The following COL6A6 variants were observed in gnomAD, a reference collection of about 807,000 sequenced individuals.
COL6A6 encodes collagen alpha-6(VI) chain.
Under a neutral mutation model 208.6 loss-of-function variants are expected in COL6A6, and 183 were observed. The observed-to-expected ratio is 0.88, with a 90% CI of 0.78 to 0.99. The LOEUF is 0.99. Ranked by LOEUF, COL6A6 falls within the 50% of genes least tolerant of loss-of-function variation. The pLI, the probability that COL6A6 is intolerant of heterozygous loss-of-function variation, is 0.00. For missense variants in COL6A6, 2,816 were observed against 2,815.2 expected (o/e 1.00, Z -0.01); for synonymous variants, 973 against 1,011.8 (o/e 0.96, Z 0.73).
intron 24 of COL6A6, among the ~76,000 whole-genome samples, chr3:130,625,063 G>A (rs1050511416): frequency 1.3e-5 from 2 of 152,144 alleles, no homozygotes; most frequent in African/African-American, 2.4e-5. Flanking sequence ...TTATGTAAAA[G>A]CACATATTGT....
At position 130,609,928 on chromosome 3, in the gene COL6A6, TG is replaced by T. The variant is rs1206064528; in HGVS notation, c.4753-720del. On this transcript the variant is annotated intron_variant, in intron 22 of 36. Coordinates refer to ENST00000358511, the MANE Select transcript of COL6A6 (RefSeq NM_001102608.3). Reference sequence around the variant, plus strand: ...TAGCTTGATTACTTTTCTTTGTTGTTGCTTTCCAGCTGAGGAAAGCTCACTT... The same window carrying T: ...TAGCTTGATTACTTTTCTTTGTTGTTCTTTCCAGCTGAGGAAAGCTCACTT... 2.0e-5 allele frequency among the ~76,000 whole-genome samples: 3 copies of T among 151,546 alleles called. No homozygotes were observed. In the East Asian group the frequency reaches 5.8e-4, roughly 29 times the overall value.
intron 1 of COL6A6, among the ~76,000 whole-genome samples, chr3:130,553,610 G>C (rs569034037): frequency 6.6e-6 from 1 of 151,042 alleles, no homozygotes; most frequent in Non-Finnish European, 1.5e-5. Flanking sequence ...GAATCTTGAT[G>C]ATCTTCATTC....
At chr3:130,558,164 A>G (rs970760314) in intron 1 of COL6A6, among the ~76,000 whole-genome samples, 1 of 152,212 alleles carries the variant, frequency 6.6e-6, no homozygotes, top group African/African-American at 2.4e-5. Context: ...ATGTTTGTTT[A>G]TAATGTAAGT....
chr3:130,619,683 G>A (rs1044101297), intron 23 of COL6A6, among the ~76,000 whole-genome samples: 2 of 152,146 alleles, frequency 1.3e-5, no homozygotes, highest in Non-Finnish European at 2.9e-5. Flanking sequence ...GGGCCTGAAG[G>A]CAAGTAATGG....
intron 3 of COL6A6, among the ~76,000 whole-genome samples, chr3:130,564,342 G>C (rs1472022157): frequency 6.6e-6 from 1 of 152,196 alleles, no homozygotes; most frequent in Non-Finnish European, 1.5e-5. Context: ...TAACAAGAAT[G>C]GTCAAGAGTT....
At chr3:130,618,571 GTCTT>G (rs929541913) in intron 23 of COL6A6, among the ~76,000 whole-genome samples, 3 of 152,004 alleles carry the variant, frequency 2.0e-5, no homozygotes, top group African/African-American at 4.8e-5. Flanking sequence ...CAATTTTTTT[GTCTT>G]TCTTTTAGAA....
At chr3:130,623,020 T>C (rs1311627894) in intron 24 of COL6A6, among the ~76,000 whole-genome samples, 1 of 152,178 alleles carries the variant, frequency 6.6e-6, no homozygotes, top group East Asian at 1.9e-4. Flanking sequence ...AAAATGATCC[T>C]GTCTGGCAGG....
rs747706950 is a variant in COL6A6 at position 130,627,372 on chromosome 3, A to G, written c.4992+3A>G. ...GTGTCGGACGCAAGGGAGCAAAGGT[A>G]AGTCAAGTCTGCTGGAAGCTGGACG... On this transcript the variant is annotated splice_donor_region_variant and intron_variant, in intron 26 of 36. Transcript: ENST00000358511. The G allele has an allele frequency of 1.2e-5, 20 of 1,613,390 alleles. No homozygotes were observed. Among genetic ancestry groups the G allele is most frequent in the Non-Finnish European group, 1.7e-5 (20 of 1,179,448 alleles).
At chr3:130,669,148 A>G (rs552623455) in intron 36 of COL6A6, among the ~76,000 whole-genome samples, 21 of 152,314 alleles carry the variant, frequency 1.4e-4, no homozygotes, top group African/African-American at 4.8e-4. Flanking sequence ...TAATCCCAGC[A>G]CTCTGGGAGG....
chr3:130,656,610 C>T lies in COL6A6; in HGVS notation c.5734-2066C>T, dbSNP rs563043821. Reference sequence around the variant, plus strand: ...TTTGGTCAGCCCAGCCCCCAGGCTTCGGGCTCCCCCTGGCTTGAAGGTGGG... The same window carrying T: ...TTTGGTCAGCCCAGCCCCCAGGCTTTGGGCTCCCCCTGGCTTGAAGGTGGG... On this transcript the variant is annotated intron_variant, in intron 33 of 36. Transcript: ENST00000358511. Among the ~76,000 whole-genome samples the T allele has an allele frequency of 7.2e-5, 11 of 152,242 alleles. No individual in the cohort carries two copies. In the South Asian group the frequency reaches 1.7e-3, roughly 23 times the overall value.
intron 1 of COL6A6, among the ~76,000 whole-genome samples, chr3:130,535,681 G>A (rs912067265): frequency 2.0e-4 from 31 of 152,070 alleles, no homozygotes; most frequent in African/African-American, 5.6e-4. Context: ...CAGCTGCTGA[G>A]GAGTTTCATG....
chr3:130,619,632 C>A lies in COL6A6; in HGVS notation c.4816-2189C>A, dbSNP rs530825284. Among the ~76,000 whole-genome samples the A allele has an allele frequency of 2.0e-5, 3 of 152,240 alleles. No individual in the cohort carries two copies. In the South Asian group the frequency reaches 6.2e-4, roughly 32 times the overall value. On this transcript the variant is annotated intron_variant, in intron 23 of 36. Transcript: ENST00000358511. The stretch of plus-strand genomic sequence containing the variant: ...GAGAATGGATTAGAGGAAGACCTGG[C>A]TACAGTTAGGAGAGCCAAGAATTTA...
chr3:130,610,570 A>G, intron 22 of COL6A6, 79 bp from the exon 23 acceptor site: 1 of 1,064,532 alleles, frequency 9.4e-7, no homozygotes, highest in Non-Finnish European at 1.4e-6. Flanking sequence ...CTGACTTAGT[A>G]TTTCTACTTG....
chr3:130,627,064 A>G (rs533842897), intron 25 of COL6A6, among the ~76,000 whole-genome samples: 1 of 152,218 alleles, frequency 6.6e-6, no homozygotes, highest in East Asian at 1.9e-4. Flanking sequence ...CCTCATGACA[A>G]CCCATGAGTA....
At chr3:130,614,132 T>C (rs1179419396) in intron 23 of COL6A6, among the ~76,000 whole-genome samples, 1 of 152,204 alleles carries the variant, frequency 6.6e-6, no homozygotes, top group African/African-American at 2.4e-5. Flanking sequence ...CTATTCAGTA[T>C]GATATTAGCT....
At chr3:130,612,335 G>T (rs1038061798) in intron 23 of COL6A6, among the ~76,000 whole-genome samples, 2 of 152,096 alleles carry the variant, frequency 1.3e-5, no homozygotes, top group Non-Finnish European at 2.9e-5. Context: ...TCTGTTTCCA[G>T]TTCTTTGAGG....
At chr3:130,608,411 A>C (rs1318574366) in intron 21 of COL6A6, among the ~76,000 whole-genome samples, 1 of 152,208 alleles carries the variant, frequency 6.6e-6, no homozygotes, top group East Asian at 1.9e-4. Flanking sequence ...AACTTCTTGA[A>C]TTCGTTATGC....
Position 130,581,822 on chromosome 3 carries a change from T to G in COL6A6, c.3809T>G (p.Val1270Gly). 1 of 1,613,530 alleles carries G rather than the reference T, an allele frequency of 6.2e-7. No individual in the cohort carries two copies. Residue 1270 changes from valine to glycine, a missense_variant, in exon 9 of 37, where the codon GTT becomes GGT. Val to Gly is a moderately radical substitution (Grantham distance 109). Coordinates refer to ENST00000358511, the MANE Select transcript of COL6A6 (RefSeq NM_001102608.3). Reference protein sequence around the residue: ...NILNSLKDITVKGPSLLNANL... With the variant: ...NILNSLKDITGKGPSLLNANL... ...CTGAATAGCTTGAAGGATATAACAG[T>G]TAAAGGACCATCTCTTCTCAATGCA...
intron 22 of COL6A6, 69 bp downstream of exon 22, chr3:130,609,033 C>T: frequency 8.8e-7 from 1 of 1,136,768 alleles, no homozygotes; most frequent in Non-Finnish European, 1.3e-6. Flanking sequence ...ATCTGAGGAC[C>T]TGATAGAAAC....
Sources: gnomAD v4.1 joint callset for allele counts (sites outside exome capture counted in the v4.1 genomes callset) on GRCh38, gnomAD v4.1.1 for gene constraint, MANE v1.5 for transcripts, NCBI Gene and HGNC (gene_info 2026-07-23, HGNC 2026-07-21) for gene names.